The following IMMP2L variants were observed in gnomAD, a reference collection of about 807,000 sequenced individuals.
IMMP2L encodes the protein inner mitochondrial membrane peptidase subunit 2.
IMMP2L carries 18 observed loss-of-function variants against 19.3 expected under a neutral mutation model. The observed-to-expected ratio is 0.93, with a 90% CI of 0.64 to 1.38. The LOEUF (loss-of-function observed/expected upper bound fraction) is 1.38. Ranked by LOEUF, IMMP2L falls within the 40% of genes most tolerant of loss-of-function variation. The pLI, the probability that IMMP2L is intolerant of heterozygous loss-of-function variation, is 0.00. For missense variants in IMMP2L, 233 were observed against 218.2 expected, an observed-to-expected ratio of 1.07 and a Z score of -0.43; for synonymous variants, 76 against 73.0, an observed-to-expected ratio of 1.04 and a Z score of -0.21.
At chr7:111,133,276 A>G (rs1562834948) in intron 3 of IMMP2L, among the ~76,000 whole-genome samples, 2 of 152,184 alleles carry the variant, frequency 1.3e-5, no homozygotes, top group South Asian at 2.1e-4. Context: ...TCAGGGAAAC[A>G]AAAGTATGAT....
At chr7:110,795,331 T>C (rs1237187726) in intron 5 of IMMP2L, among the ~76,000 whole-genome samples, 1 of 152,074 alleles carries the variant, frequency 6.6e-6, no homozygotes, top group Non-Finnish European at 1.5e-5. Flanking sequence ...TTAGTGATGA[T>C]TAAAAGTCTA....
intron 1 of IMMP2L, among the ~76,000 whole-genome samples, chr7:111,548,184 A>G (rs1849113885): frequency 6.6e-6 from 1 of 151,046 alleles, no homozygotes; most frequent in Admixed American, 6.6e-5. Context: ...ACCCAATTCA[A>G]TCCTCTAAAA....
At chr7:110,998,009 T>C (rs923036211) in intron 3 of IMMP2L, among the ~76,000 whole-genome samples, 2 of 152,148 alleles carry the variant, frequency 1.3e-5, no homozygotes, top group South Asian at 4.1e-4. Flanking sequence ...CATATCTGCA[T>C]ACGGTTTATG....
intron 3 of IMMP2L, among the ~76,000 whole-genome samples, chr7:111,166,919 T>C (rs1264614933): frequency 6.6e-6 from 1 of 151,972 alleles, no homozygotes; most frequent in Non-Finnish European, 1.5e-5. Context: ...CAGGATAATC[T>C]CATCTTGAGG....
chr7:110,789,706 C>T (rs149995972), intron 5 of IMMP2L, among the ~76,000 whole-genome samples: 4 of 151,790 alleles, frequency 2.6e-5, no homozygotes, highest in African/African-American at 9.7e-5. Flanking sequence ...GCCTCCACCA[C>T]CTCACTGACC....
intron 3 of IMMP2L, among the ~76,000 whole-genome samples, chr7:110,967,798 G>A (rs1819707011): frequency 6.6e-6 from 1 of 151,958 alleles, no homozygotes; most frequent in Non-Finnish European, 1.5e-5. Context: ...AAAAATATAT[G>A]TTTTTCTATT....
chr7:110,697,250 A>G (rs1793960429), intron 5 of IMMP2L, among the ~76,000 whole-genome samples: 1 of 152,200 alleles, frequency 6.6e-6, no homozygotes, highest in African/African-American at 2.4e-5. Flanking sequence ...GCTGGGTACA[A>G]AAACAGATAT....
At chr7:111,137,258 C>T (rs1452534477) in intron 3 of IMMP2L, among the ~76,000 whole-genome samples, 4 of 152,030 alleles carry the variant, frequency 2.6e-5, no homozygotes, top group Non-Finnish European at 5.9e-5. Flanking sequence ...TACGAGAAGA[C>T]TCATTCTATA....
chr7:111,362,472 A>AT (rs564745418), intron 3 of IMMP2L, among the ~76,000 whole-genome samples: 7 of 151,702 alleles, frequency 4.6e-5, no homozygotes, highest in Non-Finnish European at 7.4e-5. Context: ...TTTCACATAC[A>AT]TTTTTTTTCT....
At chr7:111,460,082 A>C (rs1046170433) in intron 3 of IMMP2L, among the ~76,000 whole-genome samples, 3 of 152,128 alleles carry the variant, frequency 2.0e-5, no homozygotes, top group Non-Finnish European at 2.9e-5. Flanking sequence ...TTTGAAATTC[A>C]GCTGTGTGGG....
At chr7:111,125,944 T>C (rs1586455937) in intron 3 of IMMP2L, among the ~76,000 whole-genome samples, 1 of 147,264 alleles carries the variant, frequency 6.8e-6, no homozygotes. Flanking sequence ...TGCCTCAACC[T>C]CCAGAGTAGC....
chr7:111,029,115 A>G (rs1827149086), intron 3 of IMMP2L, among the ~76,000 whole-genome samples: 1 of 152,208 alleles, frequency 6.6e-6, no homozygotes, highest in African/African-American at 2.4e-5. Flanking sequence ...ATCAGCTGTC[A>G]TGATAAAATA....
chr7:111,282,136 A>G (rs1370144492), intron 3 of IMMP2L, among the ~76,000 whole-genome samples: 1 of 152,156 alleles, frequency 6.6e-6, no homozygotes, highest in African/African-American at 2.4e-5. Flanking sequence ...AGCTTATAAG[A>G]CTAATTGGCT....
intron 5 of IMMP2L, among the ~76,000 whole-genome samples, chr7:110,744,812 T>G (rs1005458887): frequency 1.3e-5 from 2 of 152,172 alleles, no homozygotes; most frequent in African/African-American, 4.8e-5. Flanking sequence ...GCAAAAAGGC[T>G]GAAAATTCCA....
intron 5 of IMMP2L, among the ~76,000 whole-genome samples, chr7:110,756,158 T>C (rs923498216): frequency 6.6e-6 from 1 of 151,982 alleles, no homozygotes; most frequent in Admixed American, 6.6e-5. Context: ...GATGTGGAGA[T>C]AAGAAGGAAG....
At chr7:111,258,982 A>G (rs1817019465) in intron 3 of IMMP2L, among the ~76,000 whole-genome samples, 1 of 152,120 alleles carries the variant, frequency 6.6e-6, no homozygotes, top group Non-Finnish European at 1.5e-5. Context: ...ATAGCCTACC[A>G]CACATGTAGG....
At chr7:110,903,072 C>T (rs1004935004) in intron 4 of IMMP2L, among the ~76,000 whole-genome samples, 4 of 152,062 alleles carry the variant, frequency 2.6e-5, no homozygotes, top group African/African-American at 9.7e-5. Context: ...GCCAAATGGA[C>T]TCAGCTGAAC....
intron 3 of IMMP2L, among the ~76,000 whole-genome samples, chr7:111,140,833 G>A (rs902449235): frequency 5.9e-5 from 9 of 152,172 alleles, no homozygotes; most frequent in African/African-American, 1.7e-4. Context: ...TCCACTGAAA[G>A]AGTAATTCTA....
At chr7:110,732,067 C>T (rs1162953176) in intron 5 of IMMP2L, among the ~76,000 whole-genome samples, 2 of 152,072 alleles carry the variant, frequency 1.3e-5, no homozygotes, top group Non-Finnish European at 2.9e-5. Context: ...AAAGCTGAGA[C>T]TGGGTGGGGC....
Sources: allele counts gnomAD v4.1 joint callset (sites outside exome capture counted in the v4.1 genomes callset), GRCh38; gene constraint gnomAD v4.1.1; transcripts MANE v1.5; gene names NCBI Gene and HGNC (gene_info 2026-07-23, HGNC 2026-07-21).